PSD3: variants seen among roughly 807,000 people sequenced by gnomAD.
PSD3 encodes the protein pleckstrin and Sec7 domain containing 3, also known as PH and SEC7 domain-containing protein 3.
PSD3 carries 49 observed loss-of-function variants against 105.5 expected under a neutral mutation model. That is an observed-to-expected ratio of 0.46 (90% CI 0.37 to 0.59). PSD3 has a LOEUF of 0.59. Ranked by LOEUF, PSD3 falls within the 20% of genes least tolerant of loss-of-function variation. PSD3 has a pLI of 0.00. For missense variants in PSD3, 1,561 were observed against 1,263.8 expected (o/e 1.24, Z -3.57); for synonymous variants, 557 against 457.8 (o/e 1.22, Z -2.77).
intron 4 of PSD3, among the ~76,000 whole-genome samples, chr8:18,814,044 C>T (rs1198775046): frequency 6.6e-6 from 1 of 152,332 alleles, no homozygotes; most frequent in Admixed American, 6.5e-5. Context: ...ACAAACGTCT[C>T]AAATGAACCT....
At chr8:18,938,713 C>T (rs1822323488) in intron 1 of PSD3, among the ~76,000 whole-genome samples, 1 of 151,760 alleles carries the variant, frequency 6.6e-6, no homozygotes, top group Non-Finnish European at 1.5e-5. Flanking sequence ...AGGCACTGTT[C>T]TAATGTAATA....
intron 1 of PSD3, among the ~76,000 whole-genome samples, chr8:19,035,750 C>T (rs983303202): frequency 2.7e-5 from 4 of 149,702 alleles, no homozygotes; most frequent in African/African-American, 1.0e-4. Context: ...AACAGGTATA[C>T]TTTTTTTGGG....
chr8:18,563,739 A>G (rs1356197155), intron 14 of PSD3, among the ~76,000 whole-genome samples: 3 of 152,212 alleles, frequency 2.0e-5, no homozygotes, highest in Non-Finnish European at 4.4e-5. Flanking sequence ...TCCATTCAGG[A>G]AAAGTATGGG....
chr8:18,832,755 G>A (rs1256404994), intron 4 of PSD3, among the ~76,000 whole-genome samples: 1 of 152,212 alleles, frequency 6.6e-6, no homozygotes, highest in East Asian at 1.9e-4. Flanking sequence ...GAGGAGCAAA[G>A]GCATGTCTTA....
chr8:18,879,301 G>A (rs2410581), intron 2 of PSD3, among the ~76,000 whole-genome samples: 3 of 152,138 alleles, frequency 2.0e-5, no homozygotes, highest in Middle Eastern at 3.4e-3. Context: ...CAGATAAGAG[G>A]GAGACAGGGC....
chr8:19,000,888 A>C (rs1826340918), intron 1 of PSD3: 1 of 151,934 alleles, frequency 6.6e-6, no homozygotes, highest in Non-Finnish European at 1.5e-5. Context: ...ATATTGAATG[A>C]GGACCCTGGG....
rs548408396 is a variant in PSD3 at position 18,889,643 on chromosome 8, G to A, written c.131-16910C>T. Among the ~76,000 whole-genome samples, 17 of 152,146 alleles carry A rather than the reference G, an allele frequency of 1.1e-4. 1 individual carries two copies. The highest frequency in any genetic ancestry group is 6.2e-4 in the South Asian group (3 of 4,814). On this transcript the variant is annotated intron_variant, in intron 2 of 15. Coordinates refer to ENST00000327040, the MANE Select transcript of PSD3 (RefSeq NM_015310.4). ...CCATGCTCCCCCATCTCCCATCTCC[G>A]GCTCCCATCCCAACCTGGTGTTTCC... is the stretch of plus-strand genomic sequence containing the variant.
intron 13 of PSD3, among the ~76,000 whole-genome samples, chr8:18,574,211 C>G (rs1802337900): frequency 6.6e-6 from 1 of 152,012 alleles, no homozygotes. Context: ...TGAGAGAAAC[C>G]ACACAAACAA....
At chr8:18,824,445 C>T (rs1008965850) in intron 4 of PSD3, among the ~76,000 whole-genome samples, 1 of 152,174 alleles carries the variant, frequency 6.6e-6, no homozygotes, top group Non-Finnish European at 1.5e-5. Flanking sequence ...GTTTCCTCAT[C>T]TGTAAATACT....
At chr8:18,733,839 T>C (rs1488681027) in intron 9 of PSD3, 1 of 152,632 alleles carries the variant, frequency 6.6e-6, no homozygotes, top group Non-Finnish European at 1.5e-5. Context: ...GCAAATCATT[T>C]AGGACCAAAA....
intron 11 of PSD3, among the ~76,000 whole-genome samples, chr8:18,630,534 A>T (rs932132995): frequency 6.6e-6 from 1 of 151,988 alleles, no homozygotes; most frequent in African/African-American, 2.4e-5. Context: ...TAGGAAATGA[A>T]TCAATGAAAA....
Position 18,938,253 on chromosome 8 carries a change from T to C in PSD3, c.22-2111A>G, listed in dbSNP as rs112002526. The stretch of plus-strand genomic sequence containing the variant: ...ACGAGAACAGGGAAGTTTGGAGGAA[T>C]AGGCAAAAGTGGATGAATTAAAATA... On this transcript the variant is annotated intron_variant, in intron 1 of 15. Coordinates refer to ENST00000327040, the MANE Select transcript of PSD3 (RefSeq NM_015310.4). Among the ~76,000 whole-genome samples, 29 of 152,288 alleles carry C rather than the reference T, an allele frequency of 1.9e-4. 2 individuals are homozygous for C. The highest frequency in any genetic ancestry group is 6.5e-4 in the African/African-American group (27 of 41,556).
intron 8 of PSD3, among the ~76,000 whole-genome samples, chr8:18,766,923 C>A (rs191155012): frequency 6.6e-6 from 1 of 152,320 alleles, no homozygotes; most frequent in Non-Finnish European, 1.5e-5. Context: ...ACGCCTATCC[C>A]TTTGCACTAG....
rs532149962 is a variant in PSD3, at chr8:18,882,027, G to A, written c.131-9294C>T. Among the ~76,000 whole-genome samples, 6 of 152,150 alleles carry A rather than the reference G, an allele frequency of 3.9e-5. No individual in the cohort carries two copies. The East Asian group carries it at 1.2e-3, about 30-fold the overall frequency. On this transcript the variant is annotated intron_variant, in intron 2 of 15. Transcript: ENST00000327040. ...GTTCAAGACCATCCTGGGCAAACAG[G>A]GAGACCCCTCCTCTACAAAAAATTT...
intron 2 of PSD3, among the ~76,000 whole-genome samples, chr8:18,922,301 A>G (rs1328977991): frequency 6.6e-6 from 1 of 152,166 alleles, no homozygotes; most frequent in East Asian, 1.9e-4. Context: ...TCCAATATAA[A>G]ACTCGTGAAC....
At chr8:18,964,604 C>T (rs1044052307) in intron 1 of PSD3, among the ~76,000 whole-genome samples, 1 of 151,956 alleles carries the variant, frequency 6.6e-6, no homozygotes, top group Non-Finnish European at 1.5e-5. Context: ...CATGAACAAC[C>T]AGCTACTCTT....
At chr8:18,946,834 G>C (rs913230477) in intron 1 of PSD3, among the ~76,000 whole-genome samples, 2 of 151,404 alleles carry the variant, frequency 1.3e-5, no homozygotes, top group African/African-American at 4.8e-5. Flanking sequence ...GAACCTGGGA[G>C]ACGAAGGTTG....
At chr8:19,016,047 G>A (rs759209781), upstream of PSD3, among the ~76,000 whole-genome samples, 11 of 152,178 alleles carry the variant, frequency 7.2e-5, no homozygotes, top group Non-Finnish European at 1.5e-4. Context: ...GAAGCCTAAA[G>A]CAAATCAAAT....
At chr8:18,980,569 A>G (rs1188714694) in intron 1 of PSD3, among the ~76,000 whole-genome samples, 1 of 152,120 alleles carries the variant, frequency 6.6e-6, no homozygotes, top group Admixed American at 6.5e-5. Flanking sequence ...GTTTACATCT[A>G]CCATCTTATT....
Sources: allele counts gnomAD v4.1 joint callset (sites outside exome capture counted in the v4.1 genomes callset), GRCh38; gene constraint gnomAD v4.1.1; transcripts MANE v1.5; gene names NCBI Gene and HGNC (gene_info 2026-07-23, HGNC 2026-07-21).